The following SPTBN1 variants were observed in gnomAD, a reference collection of about 807,000 sequenced individuals.
SPTBN1 encodes spectrin beta, non-erythrocytic 1.
Under a neutral mutation model 266.4 loss-of-function variants are expected in SPTBN1, and 32 were observed. The ratio of observed to expected loss-of-function variants is 0.12; its 90% confidence interval spans 0.09 to 0.16. The LOEUF (loss-of-function observed/expected upper bound fraction) is 0.16, where lower values mean the gene tolerates loss of function less well. Among genes scored for constraint, SPTBN1 ranks in the 10% least tolerant of loss-of-function variants. The pLI, the probability that SPTBN1 is intolerant of heterozygous loss-of-function variation, is 1.00. For synonymous variants in SPTBN1, 1,336 were observed against 1,162.2 expected (o/e 1.15, Z -3.04); for missense variants, 2,296 against 3,067.1 (o/e 0.75, Z 5.94).
intron 2 of SPTBN1, among the ~76,000 whole-genome samples, chr2:54,568,349 CAAAAAAAA>C (rs888478845): frequency 2.1e-5 from 2 of 95,692 alleles, no homozygotes; most frequent in Non-Finnish European, 2.1e-5. Flanking sequence ...GACTCTGTCT[CAAAAAAAA>C]AAAAAAAAAA....
At chr2:54,521,288 T>C (rs1287347873) in intron 1 of SPTBN1, among the ~76,000 whole-genome samples, 2 of 152,220 alleles carry the variant, frequency 1.3e-5, no homozygotes, top group Non-Finnish European at 2.9e-5. Flanking sequence ...CTTGCTGCTG[T>C]TGAGTGCCTA....
intron 18 of SPTBN1, among the ~76,000 whole-genome samples, chr2:54,641,416 A>T (rs1236025274): frequency 6.6e-6 from 1 of 152,238 alleles, no homozygotes; most frequent in East Asian, 1.9e-4. Context: ...TGTACAGAAT[A>T]CTGGGAAAAA....
intron 1 of SPTBN1, among the ~76,000 whole-genome samples, chr2:54,514,447 G>C (rs1670010829): frequency 6.6e-6 from 1 of 152,124 alleles, no homozygotes. Flanking sequence ...TGTAAAGCTA[G>C]AATCACCTTC....
intron 26 of SPTBN1, 51 bp downstream of exon 26, chr2:54,650,040 A>G: frequency 1.3e-6 from 2 of 1,547,584 alleles, no homozygotes; most frequent in Admixed American, 3.8e-5. Flanking sequence ...TCTCCATAGA[A>G]CATCTTTGGG....
intron 1 of SPTBN1, among the ~76,000 whole-genome samples, chr2:54,519,678 G>T (rs968298002): frequency 4.6e-5 from 7 of 152,116 alleles, no homozygotes; most frequent in African/African-American, 1.7e-4. Flanking sequence ...GAGCCATTTG[G>T]TAGATTTTAG....
Position 54,671,117 on chromosome 2 carries a change from G to A in SPTBN1, c.*2548G>A. Reference sequence around the variant, plus strand: ...AAGAGTAAGAAGTAGTGAAAATAAGGCTTAGGATATGAAATGGCGTTGTCA... The same window carrying A: ...AAGAGTAAGAAGTAGTGAAAATAAGACTTAGGATATGAAATGGCGTTGTCA... On this transcript the variant is annotated 3_prime_UTR_variant, in exon 36 of 36. Transcript: ENST00000356805. 1 of 263,118 alleles carries A rather than the reference G, an allele frequency of 3.8e-6. No homozygotes were observed. Among genetic ancestry groups the A allele is most frequent in the Non-Finnish European group, 7.1e-6 (1 of 140,510 alleles). The allele number at this position is 263,118 out of a possible 1,614,324, so 16.3% of individuals were successfully genotyped here.
intron 26 of SPTBN1, chr2:54,652,482 C>T (rs1039435968): frequency 3.3e-5 from 5 of 152,162 alleles, no homozygotes; most frequent in Admixed American, 2.0e-4. Flanking sequence ...TTTAACCAGT[C>T]CTTCACTGAT....
intron 1 of SPTBN1, among the ~76,000 whole-genome samples, chr2:54,464,745 A>C (rs961131103): frequency 6.6e-6 from 1 of 152,156 alleles, no homozygotes; most frequent in African/African-American, 2.4e-5. Context: ...GCTGGAGTGC[A>C]TTGGCACGAA....
At chr2:54,498,152 G>A (rs932501130) in intron 1 of SPTBN1, among the ~76,000 whole-genome samples, 8 of 152,126 alleles carry the variant, frequency 5.3e-5, no homozygotes, top group Non-Finnish European at 2.9e-5. Context: ...TCAGTCTGTG[G>A]AGCCAAACCC....
rs200622543 is a variant in SPTBN1, at chr2:54,487,832, C to T, written c.-48+31314C>T. On this transcript the variant is annotated intron_variant, in intron 1 of 35. Transcript: ENST00000356805. ...TTCACTTGATGGTCTCCTCCTGTGT[C>T]TTTTTTTTTTTTTTTGAGACGGAGT... Among the ~76,000 whole-genome samples the T allele has an allele frequency of 2.3e-3, 156 of 68,618 alleles. 2 individuals are homozygous for T. The highest frequency in any genetic ancestry group is 3.0e-3 in the Admixed American group (12 of 3,938). 45.0% of individuals were successfully genotyped at this position (68,618 alleles called of 152,430 possible).
intron 2 of SPTBN1, among the ~76,000 whole-genome samples, chr2:54,576,108 G>A (rs185353894): frequency 1.4e-4 from 19 of 137,944 alleles, no homozygotes; most frequent in African/African-American, 4.8e-4. Flanking sequence ...AGGCTGGAGT[G>A]CAATGGTGCG....
chr2:54,531,601 G>GT (rs1419873217), intron 2 of SPTBN1, among the ~76,000 whole-genome samples: 19 of 145,034 alleles, frequency 1.3e-4, no homozygotes, highest in Non-Finnish European at 9.2e-5. Flanking sequence ...ATCGGTTTTT[G>GT]TTTTTTGTTT....
intron 1 of SPTBN1, among the ~76,000 whole-genome samples, chr2:54,486,693 C>T (rs941648627): frequency 1.5e-4 from 22 of 147,800 alleles, no homozygotes; most frequent in Middle Eastern, 3.5e-3. Context: ...TCCCCCTCTG[C>T]GAGAAACACC....
chr2:54,653,451 T>C lies in SPTBN1; in HGVS notation c.5578-158T>C. 8.3e-7 allele frequency: 1 copy of C among 1,200,400 alleles called. No individual in the cohort carries two copies. The highest frequency in any genetic ancestry group is 1.7e-5 in the South Asian group (1 of 59,674). 74.4% of individuals were successfully genotyped at this position (1,200,400 alleles called of 1,614,324 possible). On this transcript the variant is annotated intron_variant, in intron 26 of 35. Coordinates refer to ENST00000356805, the MANE Select transcript of SPTBN1 (RefSeq NM_003128.3). This position sits in a 1 kb window ranked among gnomAD's most constrained non-coding sequence, Gnocchi z 5.1. The stretch of plus-strand genomic sequence containing the variant: ...TTATAGAAAACGGGTTTTTGTGACT[T>C]GGATCTCCCCAGTGAAATTGAGGGC...
chr2:54,556,689 TTG>T (rs1322318893), intron 2 of SPTBN1, among the ~76,000 whole-genome samples: 1 of 151,580 alleles, frequency 6.6e-6, no homozygotes, highest in Non-Finnish European at 1.5e-5. Context: ...GTGTGTGTGT[TTG>T]TGTGTGTGGG....
rs754674258 is a variant in SPTBN1, at chr2:54,622,479, A to G, written c.1056A>G (p.Lys352=). Residue 352 remains lysine, a synonymous_variant, in exon 9 of 36, where the codon AAA becomes AAG. Coordinates refer to ENST00000356805, the MANE Select transcript of SPTBN1 (RefSeq NM_003128.3). ...TCAACACTTACCGCACTGTGGAGAA[A>G]CCACCCAAGTAAGATGCATATTGTA... The part of the protein sequence containing the change: ...QAFNTYRTVE[K]PPKFTEKGNL... 1 of 1,614,010 alleles carries G rather than the reference A, an allele frequency of 6.2e-7. No homozygotes were observed. Among genetic ancestry groups the G allele is most frequent in the Non-Finnish European group, 8.5e-7 (1 of 1,179,920 alleles).
At chr2:54,462,260 A>G (rs1026284208) in intron 1 of SPTBN1, among the ~76,000 whole-genome samples, 2 of 152,218 alleles carry the variant, frequency 1.3e-5, no homozygotes, top group Admixed American at 6.5e-5. Context: ...CCCTTTTGGT[A>G]TGCTTTGCAA....
intron 1 of SPTBN1, among the ~76,000 whole-genome samples, chr2:54,499,678 A>G (rs1669148568): frequency 6.6e-6 from 1 of 152,254 alleles, no homozygotes; most frequent in Admixed American, 6.5e-5. Context: ...TTAATAAAGG[A>G]TACAGGTAAT....
intron 1 of SPTBN1, among the ~76,000 whole-genome samples, chr2:54,462,905 T>C (rs549964460): frequency 2.0e-5 from 3 of 152,378 alleles, no homozygotes; most frequent in South Asian, 4.1e-4. Context: ...GTCTCAGTCA[T>C]ATTCTCGACA....
Sources: gnomAD v4.1 joint callset for allele counts (sites outside exome capture counted in the v4.1 genomes callset) on GRCh38, gnomAD v4.1.1 for gene constraint, Gnocchi (gnomAD v3.1) non-coding constraint, MANE v1.5 for transcripts, NCBI Gene and HGNC (gene_info 2026-07-23, HGNC 2026-07-21) for gene names.